Variants in ASTN1 observed in about 807,000 individuals in gnomAD.
ASTN1 encodes astrotactin-1.
In ASTN1, 41 loss-of-function variants were observed where a neutral mutation model predicts 140.7. The ratio of observed to expected loss-of-function variants is 0.29; its 90% CI spans 0.23 to 0.38. ASTN1 has a LOEUF of 0.38. Among genes scored for constraint, ASTN1 ranks in the 10% least tolerant of loss-of-function variants. ASTN1 has a pLI of 1.00. For synonymous variants in ASTN1, 640 were observed against 652.2 expected, an observed-to-expected ratio of 0.98 and a Z score of 0.29; for missense variants, 1,479 against 1,678.8, an observed-to-expected ratio of 0.88 and a Z score of 2.08.
At chr1:177,024,791 A>G (rs541114506) in intron 5 of ASTN1, 59 bp from the exon 6 acceptor site, 3 of 1,570,632 alleles carry the variant, frequency 1.9e-6, no homozygotes, top group African/African-American at 2.7e-5. Flanking sequence ...TGAGAGTCCA[A>G]CTTGGCTTTT....
chr1:176,898,169 A>T (rs1669606125), intron 16 of ASTN1, among the ~76,000 whole-genome samples: 1 of 152,212 alleles, frequency 6.6e-6, no homozygotes, highest in Admixed American at 6.5e-5. Context: ...ACCTAGCAAG[A>T]TTAGGGAGTA....
At chr1:177,143,615 C>T (rs955569229) in intron 1 of ASTN1, among the ~76,000 whole-genome samples, 5 of 152,070 alleles carry the variant, frequency 3.3e-5, no homozygotes, top group African/African-American at 4.8e-5. Context: ...CTTAATTTTG[C>T]CATGTCAATA....
rs375249247 is a variant in ASTN1 at position 176,876,616 on chromosome 1, G to T, written c.3384C>A (p.Asp1128Glu). ...TIYMFTLWGV[D>E]NTGRRSRPSD... is the part of the protein sequence containing the mutation. ...TTGGCCTGGAGCGCCGTCCTGTGTTGTCCACTCCCCACAGCGTGAACCTGG... is the reference window on the plus strand; with the variant it reads ...TTGGCCTGGAGCGCCGTCCTGTGTTTTCCACTCCCCACAGCGTGAACCTGG... The change falls in exon 21 of 23, where the codon GAC (aspartate) becomes GAA (glutamate). Residue 1128 changes from aspartate to glutamate, a missense_variant. Physicochemically the swap from Asp to Glu is conservative, Grantham distance 45. This residue lies in a region of ASTN1 where 746 missense variants were observed against 800.9 expected (regional missense o/e 0.93). Transcript: ENST00000361833. 40 of 1,614,000 alleles carry T rather than the reference G, an allele frequency of 2.5e-5. No homozygotes were observed. The Admixed American group carries it at 6.5e-4, about 26-fold the overall frequency.
intron 7 of ASTN1, among the ~76,000 whole-genome samples, chr1:177,017,825 C>T (rs546618428): frequency 2.0e-5 from 3 of 152,238 alleles, no homozygotes; most frequent in Admixed American, 6.5e-5. Flanking sequence ...GTAGACGCCT[C>T]GAGGTACCTT....
In ASTN1 at chr1:177,164,693, C is replaced by T. The variant is rs201957126; in HGVS notation, c.-17G>A. On this transcript the variant is annotated 5_prime_UTR_variant, in exon 1 of 23. Coordinates refer to ENST00000361833, the MANE Select transcript of ASTN1 (RefSeq NM_004319.3). ...TAAAGCCATCTTGAGCCCCGGCCGC[C>T]TTCCTCCTAGCGCTGCGATGGTGGG... The T allele has an allele frequency of 1.7e-5, 26 of 1,538,652 alleles. No homozygotes were observed. In the East Asian group the frequency reaches 3.9e-4, roughly 23 times the overall value.
chr1:176,965,999 G>A (rs944007939), intron 8 of ASTN1, among the ~76,000 whole-genome samples: 4 of 152,176 alleles, frequency 2.6e-5, no homozygotes, highest in Admixed American at 6.6e-5. Context: ...TTTAAATAGT[G>A]TATATCTTTT....
intron 9 of ASTN1, 65 bp downstream of exon 9, chr1:176,965,098 G>A: frequency 6.0e-6 from 9 of 1,491,088 alleles, no homozygotes; most frequent in Non-Finnish European, 8.4e-6. Context: ...AGGAAAGTCA[G>A]TTCGGGGGAA....
chr1:176,957,873 C>T, intron 10 of ASTN1, 45 bp from the exon 11 acceptor site: 1 of 1,589,208 alleles, frequency 6.3e-7, no homozygotes, highest in South Asian at 1.1e-5. Context: ...CAAGGAGATT[C>T]CAGATGCAAC....
rs147846796 is a variant in ASTN1, at chr1:177,163,416, G to A, written c.283+978C>T. Among the ~76,000 whole-genome samples, 270 of 152,264 alleles carry A rather than the reference G, an allele frequency of 1.8e-3. 1 individual carries two copies. Among genetic ancestry groups the A allele is most frequent in the African/African-American group, 6.1e-3 (254 of 41,546 alleles). On this transcript the variant is annotated intron_variant, in intron 1 of 22. Transcript: ENST00000361833. Reference sequence around the variant, plus strand: ...ATTTGGCAAAGTAACATGAACTTGTGGTGCTTTGCAAGATACTAGAGCAGG... The same window carrying A: ...ATTTGGCAAAGTAACATGAACTTGTAGTGCTTTGCAAGATACTAGAGCAGG...
intron 8 of ASTN1, among the ~76,000 whole-genome samples, chr1:176,979,290 C>T (rs147419239): frequency 6.6e-6 from 1 of 152,284 alleles, no homozygotes; most frequent in African/African-American, 2.4e-5. Flanking sequence ...GCAATGGTGG[C>T]TATCATCTAT....
intron 19 of ASTN1, 77 bp downstream of exon 19, chr1:176,884,262 A>G: frequency 6.6e-7 from 1 of 1,526,054 alleles, no homozygotes; most frequent in Non-Finnish European, 9.0e-7. Context: ...GAGCAAAGCC[A>G]TGAGGCAGGG....
At position 176,884,458 on chromosome 1, in the gene ASTN1, C is replaced by T. The variant is rs778395608; in HGVS notation, c.3107G>A (p.Ser1036Asn). Residue 1036 changes from serine to asparagine, a missense_variant, in exon 19 of 23, where the codon AGC becomes AAC. By Grantham distance (46) the Ser-to-Asn change is conservative (BLOSUM62 1). Transcript: ENST00000361833. ...TTCCCACTCCAGGACCACAAGAGTG[C>T]TGCTGGGCTCGTGAACCGTGGAGAG... ...LRLSTVHEPS[S>N]TLVVLEWEHS... The T allele has an allele frequency of 6.2e-6, 10 of 1,613,752 alleles. No individual in the cohort carries two copies. In the South Asian group the frequency reaches 7.7e-5, roughly 12 times the overall value.
At chr1:176,924,640 G>T (rs970692073) in intron 16 of ASTN1, among the ~76,000 whole-genome samples, 10 of 152,108 alleles carry the variant, frequency 6.6e-5, no homozygotes, top group African/African-American at 2.4e-4. Flanking sequence ...GATATAGAAG[G>T]TGTTAAATAA....
chr1:177,135,762 C>T (rs1405881337), intron 1 of ASTN1, among the ~76,000 whole-genome samples: 1 of 152,160 alleles, frequency 6.6e-6, no homozygotes, highest in Non-Finnish European at 1.5e-5. Context: ...AAACACTTTC[C>T]AGCTTAAATA....
chr1:177,084,585 G>C (rs10913290), intron 1 of ASTN1, among the ~76,000 whole-genome samples: 1 of 151,346 alleles, frequency 6.6e-6, no homozygotes, highest in Non-Finnish European at 1.5e-5. Flanking sequence ...TTCCATCTTA[G>C]AGGGAAATCT....
intron 9 of ASTN1, among the ~76,000 whole-genome samples, chr1:176,959,563 C>A (rs931015959): frequency 1.3e-5 from 2 of 152,066 alleles, no homozygotes; most frequent in Admixed American, 1.3e-4. Flanking sequence ...GGCCACAGAG[C>A]AGACCCATTG....
intron 14 of ASTN1, among the ~76,000 whole-genome samples, chr1:176,937,150 C>T (rs1216376997): frequency 2.6e-5 from 4 of 152,314 alleles, no homozygotes; most frequent in African/African-American, 9.6e-5. Flanking sequence ...TTTTTACTCT[C>T]TTTAATGGTT....
intron 1 of ASTN1, among the ~76,000 whole-genome samples, chr1:177,143,542 T>C (rs964322467): frequency 1.3e-5 from 2 of 152,178 alleles, no homozygotes; most frequent in Non-Finnish European, 2.9e-5. Flanking sequence ...TTCTTAAAAT[T>C]CCTAAATCAC....
intron 8 of ASTN1, among the ~76,000 whole-genome samples, chr1:176,997,549 C>T (rs1674512628): frequency 6.6e-6 from 1 of 151,874 alleles, no homozygotes; most frequent in Non-Finnish European, 1.5e-5. Flanking sequence ...GAGGAGGACA[C>T]ATCACATCAC....
Sources: allele counts gnomAD v4.1 joint callset (sites outside exome capture counted in the v4.1 genomes callset), GRCh38; gene constraint gnomAD v4.1.1; regional missense constraint gnomAD v4.1.1; transcripts MANE v1.5; gene names NCBI Gene and HGNC (gene_info 2026-07-23, HGNC 2026-07-21).